WDPCP: variants seen among roughly 807,000 people sequenced by gnomAD.
WDPCP encodes WD repeat containing planar cell polarity effector, also known as WD repeat-containing and planar cell polarity effector protein fritz homolog.
A neutral mutation model predicts 93.1 loss-of-function variants in WDPCP; 71 were observed. The observed-to-expected ratio is 0.76, with a 90% CI of 0.63 to 0.93. The LOEUF is 0.93. WDPCP is among the 40% of genes least tolerant of loss of function. The pLI, the probability that WDPCP is intolerant of heterozygous loss-of-function variation, is 0.00. For missense variants in WDPCP, 844 were observed against 887.4 expected (o/e 0.95, Z 0.62); for synonymous variants, 315 against 315.0 (o/e 1.00, Z 0.00).
At chr2:63,594,569 G>C in intron 3 of WDPCP, 4 of 1,612,148 alleles carry the variant, frequency 2.5e-6, no homozygotes, top group Non-Finnish European at 3.4e-6. Context: ...AAATGGATCT[G>C]TCTTTGGTAA....
chr2:63,128,733 A>G (rs1465837580), intron 17 of WDPCP, among the ~76,000 whole-genome samples: 2 of 152,158 alleles, frequency 1.3e-5, no homozygotes, highest in East Asian at 1.9e-4. Context: ...CAGTGGCGCA[A>G]TCTTGACTCA....
intron 14 of WDPCP, among the ~76,000 whole-genome samples, chr2:63,218,560 C>T (rs7575567): frequency 0.028 from 4,230 of 152,158 alleles, 193 homozygotes; most frequent in African/African-American, 0.094. Context: ...GACGGAGCCT[C>T]GCTCTGTTAC....
chr2:63,668,330 A>T (rs1278595246), intron 2 of WDPCP, among the ~76,000 whole-genome samples: 1 of 152,202 alleles, frequency 6.6e-6, no homozygotes, highest in Non-Finnish European at 1.5e-5. Flanking sequence ...AATGGAGAAG[A>T]CAACAAAAAA....
At chr2:63,174,947 C>A in intron 14 of WDPCP, 115 bp from the exon 15 acceptor site, 3 of 1,173,676 alleles carry the variant, frequency 2.6e-6, no homozygotes, top group Non-Finnish European at 3.7e-6. Context: ...TTTTCTTTGT[C>A]AATTTCAAAA....
At chr2:63,180,728 C>G (rs1321741058) in intron 14 of WDPCP, among the ~76,000 whole-genome samples, 1 of 152,078 alleles carries the variant, frequency 6.6e-6, no homozygotes, top group African/African-American at 2.4e-5. Context: ...AATGGCAGTT[C>G]TATTTGCAGT....
intron 13 of WDPCP, among the ~76,000 whole-genome samples, chr2:63,269,325 A>T (rs1160830463): frequency 6.6e-6 from 1 of 152,184 alleles, no homozygotes; most frequent in Non-Finnish European, 1.5e-5. Flanking sequence ...TTATATTAGC[A>T]TCATCATTTA....
chr2:63,259,310 C>T lies in WDPCP; in HGVS notation c.1912G>A (p.Val638Ile). Residue 638 changes from valine to isoleucine, a missense_variant, in exon 14 of 18, where the codon GTT (valine) becomes ATT (isoleucine). Physicochemically the swap from Val to Ile is conservative, Grantham distance 29 (BLOSUM62 3). Transcript: ENST00000272321. Reference sequence around the variant, plus strand: ...TAAAAATAGCGTTAATTCTTACCAACCCCAGAGGTTATTGATTCTGCATCA... The same window carrying T: ...TAAAAATAGCGTTAATTCTTACCAATCCCAGAGGTTATTGATTCTGCATCA... The part of the protein sequence containing the change: ...DIDAESITSG[V>I]ELLGPLDRGD... 3 of 1,612,160 alleles carry T rather than the reference C, an allele frequency of 1.9e-6. No homozygotes were observed. The highest frequency in any genetic ancestry group is 1.7e-6 in the Non-Finnish European group (2 of 1,179,118).
chr2:63,527,942 G>GT (rs1372989016), intron 1 of WDPCP, among the ~76,000 whole-genome samples: 1 of 151,992 alleles, frequency 6.6e-6, no homozygotes, highest in Non-Finnish European at 1.5e-5. Flanking sequence ...TCTCATTGTG[G>GT]TTTTGATTTG....
chr2:63,816,783 C>T (rs2104109474), intron 1 of WDPCP, among the ~76,000 whole-genome samples: 1 of 152,274 alleles, frequency 6.6e-6, no homozygotes, highest in African/African-American at 2.4e-5. Flanking sequence ...AAATGGAATG[C>T]TATTCAGTAA....
chr2:63,818,127 G>A (rs1025254428), intron 1 of WDPCP, among the ~76,000 whole-genome samples: 2 of 152,204 alleles, frequency 1.3e-5, no homozygotes, highest in Non-Finnish European at 2.9e-5. Context: ...TAATGAAAGA[G>A]AATTGGCAAC....
At chr2:63,268,558 C>T (rs911064879) in intron 13 of WDPCP, among the ~76,000 whole-genome samples, 2 of 152,150 alleles carry the variant, frequency 1.3e-5, no homozygotes, top group African/African-American at 4.8e-5. Flanking sequence ...CCTTGACCTC[C>T]AGGGCTCAGG....
chr2:63,786,763 A>G (rs1670471393), intron 2 of WDPCP, among the ~76,000 whole-genome samples: 1 of 152,220 alleles, frequency 6.6e-6, no homozygotes, highest in Admixed American at 6.5e-5. Context: ...CATTGATGTA[A>G]CAACTTACAA....
chr2:63,306,418 C>T (rs117706865), intron 13 of WDPCP, among the ~76,000 whole-genome samples: 1 of 152,150 alleles, frequency 6.6e-6, no homozygotes, highest in African/African-American at 2.4e-5. Context: ...GATTCCAACA[C>T]CTGGCAGAGT....
intron 10 of WDPCP, among the ~76,000 whole-genome samples, chr2:63,402,755 A>G (rs1205850092): frequency 6.6e-6 from 1 of 152,182 alleles, no homozygotes; most frequent in African/African-American, 2.4e-5. Context: ...AAGAATGGCT[A>G]TTATTAAAAA....
chr2:63,530,890 A>G (rs1389836807), intron 1 of WDPCP, among the ~76,000 whole-genome samples: 1 of 149,642 alleles, frequency 6.7e-6, no homozygotes, highest in Non-Finnish European at 1.5e-5. Context: ...CAAGGCGGGC[A>G]TTGCCTCATC....
chr2:63,717,540 G>C (rs997928579), intron 2 of WDPCP: 1 of 487,278 alleles, frequency 2.1e-6, no homozygotes, highest in African/African-American at 2.0e-5. Flanking sequence ...GTTGTCCCAG[G>C]CTCTGGCCAT....
chr2:63,254,747 C>CTATT (rs1479841667), intron 14 of WDPCP, among the ~76,000 whole-genome samples: 1 of 152,038 alleles, frequency 6.6e-6, no homozygotes, highest in Admixed American at 6.6e-5. Flanking sequence ...TCATAAAGTA[C>CTATT]TATTACATGT....
At chr2:63,207,044 G>T (rs6758966) in intron 14 of WDPCP, among the ~76,000 whole-genome samples, 100,919 of 151,948 alleles carry the variant, frequency 0.66, 34,381 homozygotes, top group Middle Eastern at 0.77. Flanking sequence ...TATGACCACT[G>T]TAGTTACTTC....
rs180980745 is a variant in WDPCP, at chr2:63,704,985, C to T, written n.309-54147G>A. Among the ~76,000 whole-genome samples, 634 of 152,218 alleles carry T rather than the reference C, an allele frequency of 4.2e-3. 2 individuals carry two copies. Among genetic ancestry groups the T allele is most frequent in the African/African-American group, 0.014 (594 of 41,542 alleles). On this transcript the variant is annotated intron_variant and non_coding_transcript_variant, in intron 2 of 4. Transcript: ENST00000467687. Reference sequence around the variant, plus strand: ...TTGCCTCAATTTCAGAGCCTGTTATCAGTCTATTCAGAGATTAAAATTCTT... The same window carrying T: ...TTGCCTCAATTTCAGAGCCTGTTATTAGTCTATTCAGAGATTAAAATTCTT...
Sources: gnomAD v4.1 joint callset for allele counts (sites outside exome capture counted in the v4.1 genomes callset) on GRCh38, gnomAD v4.1.1 for gene constraint, MANE v1.5 for transcripts, NCBI Gene and HGNC (gene_info 2026-07-23, HGNC 2026-07-21) for gene names.